Variants in AK5 observed in about 807,000 individuals in gnomAD.
The protein encoded by AK5 is adenylate kinase 5.
A neutral mutation model predicts 69.5 loss-of-function variants in AK5; 27 were observed. The ratio of observed to expected loss-of-function variants is 0.39; its 90% CI spans 0.29 to 0.54. The LOEUF (loss-of-function observed/expected upper bound fraction) is 0.54, where lower values mean the gene tolerates loss of function less well. Among genes scored for constraint, AK5 ranks in the 20% least tolerant of loss-of-function variants. The probability of loss-of-function intolerance (pLI) is 0.71; values close to 1 mark genes in which losing one functional copy is unlikely to be tolerated. For missense variants in AK5, 531 were observed against 700.4 expected (o/e 0.76, Z 2.73); for synonymous variants, 260 against 244.4 (o/e 1.06, Z -0.60).
intron 3 of AK5, 65 bp from the exon 4 acceptor site, chr1:77,297,494 A>G: frequency 1.4e-6 from 2 of 1,416,486 alleles, no homozygotes; most frequent in East Asian, 4.7e-5. Flanking sequence ...ATGAAGTAGT[A>G]GTTGTATAAA....
At chr1:77,355,318 A>G (rs1371529893) in intron 6 of AK5, among the ~76,000 whole-genome samples, 1 of 152,242 alleles carries the variant, frequency 6.6e-6, no homozygotes, top group East Asian at 1.9e-4. Context: ...TAAAAATATC[A>G]AGTAGTGCAT....
rs191219562 is a variant in AK5, at chr1:77,425,048, C to T, written c.1059+7333C>T. Among the ~76,000 whole-genome samples the T allele has an allele frequency of 7.4e-3, 1,125 of 152,114 alleles. 20 individuals carry two copies. Among genetic ancestry groups the T allele is most frequent in the Non-Finnish European group, 6.1e-3 (417 of 67,982 alleles). The stretch of plus-strand genomic sequence containing the variant: ...TAAAAATGCCTTACCTGTAGTAGAG[C>T]GAAGATCAAAATCATTTTTACTTTC... On this transcript the variant is annotated intron_variant, in intron 8 of 13. Transcript: ENST00000354567.
At chr1:77,338,750 C>A (rs576825075) in intron 5 of AK5, among the ~76,000 whole-genome samples, 2 of 152,230 alleles carry the variant, frequency 1.3e-5, no homozygotes, top group South Asian at 4.1e-4. Flanking sequence ...AAAGGAGAAC[C>A]AGGACCACAT....
At chr1:77,493,896 C>A (rs944137732) in intron 10 of AK5, among the ~76,000 whole-genome samples, 4 of 152,180 alleles carry the variant, frequency 2.6e-5, no homozygotes, top group Admixed American at 1.3e-4. Flanking sequence ...TGATACAAAC[C>A]TTTTCACTGC....
chr1:77,453,082 C>T (rs909367678), intron 8 of AK5, among the ~76,000 whole-genome samples: 10 of 152,120 alleles, frequency 6.6e-5, no homozygotes, highest in African/African-American at 2.4e-4. Flanking sequence ...TAACTGAAAA[C>T]CTCTGTGCAT....
chr1:77,535,896 T>C lies in AK5; in HGVS notation c.1478T>C (p.Met493Thr). ...TGTATGGACTGCTCGGCAGACACCA[T>C]GACCAACCGCCTTCTCCAAAGGAGC... Reference protein sequence around the residue: ...VICMDCSADTMTNRLLQRSRS... With the variant: ...VICMDCSADTTTNRLLQRSRS... Residue 493 changes from methionine (M) to threonine (T), a missense_variant, in exon 13 of 14, where the codon ATG becomes ACG. Transcript: ENST00000354567. 6.2e-7 allele frequency: 1 copy of C among 1,613,968 alleles called. No individual in the cohort carries two copies. The highest frequency in any genetic ancestry group is 8.5e-7 in the Non-Finnish European group (1 of 1,179,972).
Position 77,367,559 on chromosome 1 carries a change from A to ATGT in AK5, c.891+26992_891+26993insGTT, listed in dbSNP as rs1226120644. On this transcript the variant is annotated intron_variant, in intron 6 of 13. Transcript: ENST00000354567. ...GCCCAGACTCATTTATGTTATTTTT[A>ATGT]TATATATATATATATATATAATATA... Among the ~76,000 whole-genome samples the ATGT allele has an allele frequency of 7.8e-4, 10 of 12,842 alleles. 2 individuals are homozygous for ATGT. Among genetic ancestry groups the ATGT allele is most frequent in the African/African-American group, 1.8e-3 (10 of 5,612 alleles). The allele number at this position is 12,842 out of a possible 152,430, so 8.4% of individuals were successfully genotyped here.
intron 3 of AK5, among the ~76,000 whole-genome samples, chr1:77,294,901 C>T (rs532368093): frequency 8.6e-4 from 131 of 152,118 alleles, no homozygotes; most frequent in African/African-American, 3.0e-3. Flanking sequence ...TGGTGACACA[C>T]ACCTGTTGTC....
At chr1:77,343,240 T>C (rs1458110764) in intron 6 of AK5, among the ~76,000 whole-genome samples, 1 of 152,190 alleles carries the variant, frequency 6.6e-6, no homozygotes, top group Non-Finnish European at 1.5e-5. Context: ...CCAATAGCAT[T>C]AATCACTTAT....
chr1:77,444,212 T>TTATGTATATATATATATATAC (rs1652527807), intron 8 of AK5, among the ~76,000 whole-genome samples: 1 of 114,824 alleles, frequency 8.7e-6, no homozygotes. Flanking sequence ...TATATATATA[T>TTATGTATATATATATATATAC]ACCACTTATG....
chr1:77,539,980 A>AG (rs533227097), intron 13 of AK5, among the ~76,000 whole-genome samples: 13 of 152,100 alleles, frequency 8.5e-5, no homozygotes, highest in African/African-American at 2.4e-4. Flanking sequence ...TTAAAGCCAC[A>AG]GGGGGGGCCA....
At chr1:77,476,956 G>T (rs1654976649) in intron 8 of AK5, among the ~76,000 whole-genome samples, 1 of 150,654 alleles carries the variant, frequency 6.6e-6, no homozygotes, top group South Asian at 2.1e-4. Flanking sequence ...TCATTTTCAG[G>T]TAAAAAGATG....
chr1:77,520,911 A>C (rs1657943110), intron 11 of AK5, among the ~76,000 whole-genome samples: 1 of 152,184 alleles, frequency 6.6e-6, no homozygotes, highest in African/African-American at 2.4e-5. Flanking sequence ...GAGCCCACGA[A>C]AAGGGAATTC....
chr1:77,518,544 A>C lies in AK5; in HGVS notation c.1148-20A>C. Reference sequence around the variant, plus strand: ...GCACCAGACTTGGAATGCATGTCTGACACATGACTTCTTTTCAAGGTGGTC... The same window carrying C: ...GCACCAGACTTGGAATGCATGTCTGCCACATGACTTCTTTTCAAGGTGGTC... On this transcript the variant is annotated intron_variant, in intron 10 of 13. Coordinates refer to ENST00000354567, the MANE Select transcript of AK5 (RefSeq NM_174858.3). 6.2e-7 allele frequency: 1 copy of C among 1,612,240 alleles called. No homozygotes were observed. Among genetic ancestry groups the C allele is most frequent in the Non-Finnish European group, 8.5e-7 (1 of 1,178,904 alleles).
At chr1:77,304,414 T>TC (rs1346872403) in intron 5 of AK5, among the ~76,000 whole-genome samples, 10 of 151,550 alleles carry the variant, frequency 6.6e-5, no homozygotes, top group East Asian at 3.9e-4. Context: ...TCTTTTCTTT[T>TC]TTTTTTTTGA....
At chr1:77,545,059 A>G (rs1280121566) in intron 13 of AK5, among the ~76,000 whole-genome samples, 3 of 152,192 alleles carry the variant, frequency 2.0e-5, no homozygotes, top group Non-Finnish European at 4.4e-5. Context: ...TGAGACTGCC[A>G]TTGTATAAGC....
chr1:77,501,324 T>G (rs1656704871), intron 10 of AK5, among the ~76,000 whole-genome samples: 1 of 152,212 alleles, frequency 6.6e-6, no homozygotes, highest in Non-Finnish European at 1.5e-5. Flanking sequence ...ACAACTGCCC[T>G]CCACGAATTC....
intron 13 of AK5, among the ~76,000 whole-genome samples, chr1:77,541,514 A>T (rs1659272280): frequency 6.6e-6 from 1 of 152,226 alleles, no homozygotes. Flanking sequence ...TTTTGCTGTG[A>T]ATTTTAAAAA....
intron 12 of AK5, among the ~76,000 whole-genome samples, chr1:77,530,266 A>C (rs1360068565): frequency 6.6e-6 from 1 of 152,196 alleles, no homozygotes; most frequent in Non-Finnish European, 1.5e-5. Context: ...GAGCTGCGTA[A>C]TGGTGTGTGG....
Sources: gnomAD v4.1 joint callset for allele counts (sites outside exome capture counted in the v4.1 genomes callset) on GRCh38, gnomAD v4.1.1 for gene constraint, MANE v1.5 for transcripts, NCBI Gene and HGNC (gene_info 2026-07-23, HGNC 2026-07-21) for gene names.